MTREX: variants seen among roughly 807,000 people sequenced by gnomAD.
The protein encoded by MTREX is Mtr4 exosome RNA helicase.
MTREX carries 76 observed loss-of-function variants against 135.4 expected under a neutral mutation model. The observed-to-expected ratio is 0.56, with a 90% confidence interval of 0.47 to 0.68. The LOEUF is 0.68. Among genes scored for constraint, MTREX ranks in the 30% least tolerant of loss-of-function variants. MTREX has a pLI of 0.00. For synonymous variants in MTREX, 404 were observed against 401.6 expected, an observed-to-expected ratio of 1.01 and a Z score of -0.07; for missense variants, 920 against 1,262.1, an observed-to-expected ratio of 0.73 and a Z score of 4.11.
intron 15 of MTREX, among the ~76,000 whole-genome samples, chr5:55,365,102 A>G (rs570024597): frequency 1.2e-4 from 19 of 152,342 alleles, no homozygotes; most frequent in South Asian, 6.2e-4. Flanking sequence ...TTTGTACAGC[A>G]GTTGGGAATA....
chr5:55,368,156 A>T (rs950633755), intron 16 of MTREX, among the ~76,000 whole-genome samples: 4 of 152,182 alleles, frequency 2.6e-5, no homozygotes, highest in Non-Finnish European at 4.4e-5. Flanking sequence ...TGACTTTTGA[A>T]GTTTTAATTT....
At chr5:55,308,224 A>C in intron 1 of MTREX, 77 bp downstream of exon 1, 3 of 1,475,612 alleles carry the variant, frequency 2.0e-6, no homozygotes, top group Non-Finnish European at 2.7e-6. Context: ...TCTTAGGAAG[A>C]GCACGAGAAA....
intron 20 of MTREX, among the ~76,000 whole-genome samples, chr5:55,399,538 A>AG (rs1437002270): frequency 2.6e-4 from 39 of 152,090 alleles, no homozygotes; most frequent in African/African-American, 9.4e-4. Flanking sequence ...CTCAAGCCAG[A>AG]GTGCAGTGGC....
At chr5:55,338,605 T>A (rs756705084) in intron 5 of MTREX, among the ~76,000 whole-genome samples, 1 of 151,558 alleles carries the variant, frequency 6.6e-6, no homozygotes, top group African/African-American at 2.4e-5. Context: ...TCCTTTGAGA[T>A]ACTTGAGGAT....
chr5:55,385,026 G>A (rs1382716087), intron 18 of MTREX, among the ~76,000 whole-genome samples: 1 of 152,160 alleles, frequency 6.6e-6, no homozygotes, highest in African/African-American at 2.4e-5. Context: ...AGTTATCTTA[G>A]TCTTGAATTT....
At chr5:55,345,621 C>T (rs1749719267) in intron 10 of MTREX, among the ~76,000 whole-genome samples, 1 of 150,158 alleles carries the variant, frequency 6.7e-6, no homozygotes, top group African/African-American at 2.5e-5. Context: ...GAGCAACTGG[C>T]TTCTTTCACT....
chr5:55,364,906 A>G (rs1352872765), intron 15 of MTREX, among the ~76,000 whole-genome samples: 6 of 152,224 alleles, frequency 3.9e-5, no homozygotes, highest in Non-Finnish European at 7.3e-5. Context: ...AAGAGAGAGA[A>G]ATTTCATTTT....
chr5:55,417,633 A>G (rs1235481302), intron 25 of MTREX, among the ~76,000 whole-genome samples: 2 of 152,212 alleles, frequency 1.3e-5, no homozygotes, highest in Admixed American at 6.5e-5. Context: ...GATGTTGCGT[A>G]CTCACTGATG....
At chr5:55,404,494 A>G (rs1342204207) in intron 21 of MTREX, among the ~76,000 whole-genome samples, 1 of 152,220 alleles carries the variant, frequency 6.6e-6, no homozygotes, top group Non-Finnish European at 1.5e-5. Context: ...TTTTCAGGAC[A>G]TCATGGGGGA....
intron 20 of MTREX, among the ~76,000 whole-genome samples, chr5:55,398,211 G>A (rs540391361): frequency 1.3e-5 from 2 of 151,460 alleles, no homozygotes; most frequent in African/African-American, 4.9e-5. Context: ...CTGCACTCTA[G>A]CATGTGCAAC....
At chr5:55,375,349 G>A (rs982724383) in intron 16 of MTREX, among the ~76,000 whole-genome samples, 2 of 152,086 alleles carry the variant, frequency 1.3e-5, no homozygotes, top group African/African-American at 2.4e-5. Context: ...AGACAGGTAC[G>A]CCCCAGGGGG....
At chr5:55,338,333 T>C (rs1023115923) in intron 5 of MTREX, among the ~76,000 whole-genome samples, 2 of 152,190 alleles carry the variant, frequency 1.3e-5, no homozygotes, top group African/African-American at 4.8e-5. Flanking sequence ...TCTACTGATA[T>C]CATTTCATTC....
intron 1 of MTREX, among the ~76,000 whole-genome samples, chr5:55,309,101 A>G (rs1037631262): frequency 2.0e-5 from 3 of 152,212 alleles, no homozygotes; most frequent in Non-Finnish European, 2.9e-5. Context: ...AGGCTTATTT[A>G]TATACAAGAG....
At chr5:55,406,343 A>T (rs1750805043) in intron 22 of MTREX, among the ~76,000 whole-genome samples, 1 of 151,658 alleles carries the variant, frequency 6.6e-6, no homozygotes, top group Admixed American at 6.6e-5. Flanking sequence ...GAATGTTAGG[A>T]CCTCTCTCTC....
chr5:55,405,257 T>A (rs1432833925), intron 21 of MTREX, 168 bp from the exon 22 acceptor site: 10 of 517,750 alleles, frequency 1.9e-5, no homozygotes, highest in Non-Finnish European at 3.4e-5. Flanking sequence ...TCCGGGAATG[T>A]ATCTAAGAAG....
intron 3 of MTREX, among the ~76,000 whole-genome samples, chr5:55,325,678 G>A (rs192690560): frequency 1.4e-4 from 22 of 151,950 alleles, no homozygotes; most frequent in African/African-American, 4.3e-4. Flanking sequence ...TGGGTATATC[G>A]TGTAATGCTG....
At chr5:55,394,146 C>G (rs550047702) in intron 19 of MTREX, among the ~76,000 whole-genome samples, 59 of 152,324 alleles carry the variant, frequency 3.9e-4, no homozygotes, top group Non-Finnish European at 6.5e-4. Flanking sequence ...TTGAATTCGA[C>G]TACAGGTATA....
intron 5 of MTREX, among the ~76,000 whole-genome samples, chr5:55,330,536 C>T (rs1001224909): frequency 8.0e-5 from 12 of 150,752 alleles, no homozygotes; most frequent in African/African-American, 2.4e-4. Flanking sequence ...GTTACAAAAA[C>T]GTTAAATGTC....
At chr5:55,413,276 G>T (rs1750912137) in intron 23 of MTREX, among the ~76,000 whole-genome samples, 1 of 150,764 alleles carries the variant, frequency 6.6e-6, no homozygotes, top group African/African-American at 2.4e-5. Context: ...GGTGGAGGTT[G>T]CAGTGAGCCG....
Sources: gnomAD v4.1 joint callset for allele counts (sites outside exome capture counted in the v4.1 genomes callset) on GRCh38, gnomAD v4.1.1 for gene constraint, MANE v1.5 for transcripts, NCBI Gene and HGNC (gene_info 2026-07-23, HGNC 2026-07-21) for gene names.